The following TJP3 variants were observed in gnomAD, a reference collection of about 807,000 sequenced individuals.
TJP3 encodes the protein tight junction protein ZO-3.
Under a neutral mutation model 104.2 loss-of-function variants are expected in TJP3, and 85 were observed. The observed-to-expected ratio is 0.82, with a 90% CI of 0.68 to 0.98. The LOEUF (loss-of-function observed/expected upper bound fraction) is 0.98. Ranked by LOEUF, TJP3 falls within the 50% of genes least tolerant of loss-of-function variation. The probability of loss-of-function intolerance (pLI) is 0.00; values close to 1 mark genes in which losing one functional copy is unlikely to be tolerated. For missense variants in TJP3, 1,367 were observed against 1,322.8 expected (o/e 1.03, Z -0.52); for synonymous variants, 550 against 550.6 (o/e 1.00, Z 0.02).
Position 3,746,219 on chromosome 19 carries a change from G to A in TJP3, c.2010+138G>A. The stretch of plus-strand genomic sequence containing the variant: ...CCATAGAGCCCCTTTTGGAGGCTTT[G>A]TGAGGCAGGAGGCCCGAGACAGACA... On this transcript the variant is annotated intron_variant, in intron 16 of 20. Transcript: ENST00000541714. The surrounding 1 kb of genome is among the most constrained non-coding windows in gnomAD (Gnocchi z 4.1). 1.1e-6 allele frequency: 1 copy of A among 948,024 alleles called. No individual in the cohort carries two copies. The highest frequency in any genetic ancestry group is 1.6e-6 in the Non-Finnish European group (1 of 629,522). The allele number at this position is 948,024 out of a possible 1,614,324, so 58.7% of individuals were successfully genotyped here.
At position 3,732,053 on chromosome 19, in the gene TJP3, C is replaced by T; in HGVS notation, c.717+15C>T. ...TCATTCTACAGGTGAGGCCGGGCTTCTTGTCCTGAGAGCAGGGAGACAAGG... is the reference window on the plus strand; with the variant it reads ...TCATTCTACAGGTGAGGCCGGGCTTTTTGTCCTGAGAGCAGGGAGACAAGG... On this transcript the variant is annotated intron_variant, in intron 6 of 20. Transcript: ENST00000541714. 6.2e-7 allele frequency: 1 copy of T among 1,607,078 alleles called. No individual in the cohort carries two copies. Among genetic ancestry groups the T allele is most frequent in the Non-Finnish European group, 8.5e-7 (1 of 1,177,318 alleles).
rs185447719 is a variant in TJP3 at position 3,735,450 on chromosome 19, C to T, written c.987-116C>T. 39 of 1,023,314 alleles carry T rather than the reference C, an allele frequency of 3.8e-5. 1 individual carries two copies. The Admixed American group carries it at 4.6e-4, about 12-fold the overall frequency. The allele number at this position is 1,023,314 out of a possible 1,614,324, so 63.4% of individuals were successfully genotyped here. A position where few individuals can be genotyped will look rare whatever the true frequency, so the allele number is the denominator to read the frequency against. On this transcript the variant is annotated intron_variant, in intron 8 of 20. Transcript: ENST00000541714. ...CTGACCTCAGGTGATCTGCCCACCT[C>T]GACCTCCCAAAATGCTAGGATTACA...
At position 3,716,273 on chromosome 19, in the gene TJP3, C is replaced by G. The variant is rs1024676310; in HGVS notation, c.-10+7712C>G. Among the ~76,000 whole-genome samples the G allele has an allele frequency of 9.6e-5, 14 of 146,338 alleles. 1 individual carries two copies. Among genetic ancestry groups the G allele is most frequent in the African/African-American group, 3.4e-4 (14 of 40,742 alleles). On this transcript the variant is annotated intron_variant, in intron 1 of 20. Transcript: ENST00000541714. ...TTTTGAGTAGAGACGGGGTTTCACC[C>G]TGTTGGCCAGGCTGCTCTCGAACTA...
At chr19:3,713,109 A>G (rs767053069) in intron 1 of TJP3, among the ~76,000 whole-genome samples, 1 of 151,828 alleles carries the variant, frequency 6.6e-6, no homozygotes, top group Non-Finnish European at 1.5e-5. Flanking sequence ...CAGCCTCCCC[A>G]GGACGCCAAA....
intron 15 of TJP3, 132 bp from the exon 16 acceptor site, chr19:3,745,879 G>C: frequency 1.4e-6 from 1 of 721,382 alleles, no homozygotes; most frequent in Non-Finnish European, 2.3e-6. Context: ...AGTTTCTGCT[G>C]CTGTTAGGAT....
At chr19:3,714,760 G>A (rs2036462128) in intron 1 of TJP3, among the ~76,000 whole-genome samples, 1 of 151,798 alleles carries the variant, frequency 6.6e-6, no homozygotes, top group African/African-American at 2.4e-5. Flanking sequence ...GCTATCTCTG[G>A]GCCTCAGTTT....
intron 11 of TJP3, 43 bp downstream of exon 11, chr19:3,736,364 G>A: frequency 6.7e-7 from 1 of 1,485,892 alleles, no homozygotes; most frequent in South Asian, 1.4e-5. Context: ...TCATGGGCGT[G>A]CAGTGTGCTA....
chr19:3,716,859 C>A (rs2036482935), intron 1 of TJP3, among the ~76,000 whole-genome samples: 1 of 135,790 alleles, frequency 7.4e-6, no homozygotes, highest in Non-Finnish European at 1.6e-5. Context: ...GAGACAGTGG[C>A]ACGATCTCGG....
chr19:3,713,080 T>C (rs989337727), intron 1 of TJP3, among the ~76,000 whole-genome samples: 1 of 152,052 alleles, frequency 6.6e-6, no homozygotes, highest in Non-Finnish European at 1.5e-5. Flanking sequence ...TACTTCAAAG[T>C]GCCCCCCATG....
At chr19:3,732,924 C>T (rs2036690625) in intron 6 of TJP3, among the ~76,000 whole-genome samples, 1 of 152,294 alleles carries the variant, frequency 6.6e-6, no homozygotes, top group East Asian at 1.9e-4. Flanking sequence ...GGATTACAGG[C>T]ATGAGCCACC....
intron 1 of TJP3, among the ~76,000 whole-genome samples, chr19:3,709,813 C>T (rs1460580832): frequency 6.6e-6 from 1 of 152,090 alleles, no homozygotes; most frequent in Non-Finnish European, 1.5e-5. Flanking sequence ...CTGGCTTCCA[C>T]ACCTCCCTTC....
chr19:3,716,796 T>TAC (rs1568377423), intron 1 of TJP3, among the ~76,000 whole-genome samples: 21 of 66,146 alleles, frequency 3.2e-4, no homozygotes, highest in African/African-American at 9.8e-4. Context: ...TATATATATA[T>TAC]ATATATTTTT....
intron 1 of TJP3, among the ~76,000 whole-genome samples, chr19:3,714,171 T>C (rs2036456886): frequency 6.6e-6 from 1 of 152,092 alleles, no homozygotes; most frequent in African/African-American, 2.4e-5. Flanking sequence ...TGCCTCAGCC[T>C]CCTGAGTAGC....
In TJP3 at chr19:3,739,040, G is replaced by A. The variant is rs575647105; in HGVS notation, c.1537G>A (p.Gly513Arg). 3.9e-5 allele frequency: 63 copies of A among 1,611,328 alleles called. No individual in the cohort carries two copies. Among genetic ancestry groups the A allele is most frequent in the East Asian group, 2.5e-4 (11 of 44,816 alleles). ...GCTGGACACGCTGCACCCCGGCCCC[G>A]GGCAGAGCCACGCACGAGGAGGCCA... Reference protein sequence around the residue: ...HVLDTLHPGPGQSHARGGHWL... With the variant: ...HVLDTLHPGPRQSHARGGHWL... The change falls in exon 13 of 21, where the codon GGG becomes AGG. Residue 513 changes from glycine to arginine, a missense_variant. Transcript: ENST00000541714.
Position 3,750,169 on chromosome 19 carries a change from G to C in TJP3, c.2642G>C (p.Arg881Pro), listed in dbSNP as rs766146406. ...AGCCGCCACCCCCAGGGACAGTGGCGACAGGACAGCATGCGGTAAGAACCC... is the reference window on the plus strand; with the variant it reads ...AGCCGCCACCCCCAGGGACAGTGGCCACAGGACAGCATGCGGTAAGAACCC... ...VDSRHPQGQWRQDSMRTYERE... is the reference protein window; with the variant it reads ...VDSRHPQGQWPQDSMRTYERE... Residue 881 changes from arginine (R) to proline (P), a missense_variant, in exon 20 of 21, where the codon CGA becomes CCA. Transcript: ENST00000541714. The C allele has an allele frequency of 1.2e-6, 2 of 1,613,582 alleles. No individual in the cohort carries two copies. The highest frequency in any genetic ancestry group is 1.7e-6 in the Non-Finnish European group (2 of 1,179,950).
intron 11 of TJP3, among the ~76,000 whole-genome samples, chr19:3,736,904 G>C (rs905897192): frequency 2.3e-4 from 29 of 127,738 alleles, no homozygotes; most frequent in African/African-American, 8.4e-4. Flanking sequence ...TTTTGAGATA[G>C]AGTCTTGCTC....
intron 1 of TJP3, among the ~76,000 whole-genome samples, chr19:3,722,865 G>GGGGGT: frequency 8.0e-6 from 1 of 124,300 alleles, no homozygotes; most frequent in Non-Finnish European, 1.7e-5. Context: ...GCGGGGGGGG[G>GGGGGT]GGGCACAGGG....
intron 11 of TJP3, among the ~76,000 whole-genome samples, chr19:3,737,524 T>G (rs571798124): frequency 1.3e-5 from 2 of 152,224 alleles, no homozygotes; most frequent in East Asian, 3.9e-4. Context: ...ACCTCCAGGA[T>G]CCACAGCCCC....
intron 1 of TJP3, among the ~76,000 whole-genome samples, chr19:3,717,581 G>A (rs1472812847): frequency 6.6e-6 from 1 of 151,564 alleles, no homozygotes; most frequent in African/African-American, 2.4e-5. Context: ...GATTACAGGC[G>A]CCTGCCACCA....
Sources: gnomAD v4.1 joint callset for allele counts (sites outside exome capture counted in the v4.1 genomes callset) on GRCh38, gnomAD v4.1.1 for gene constraint, Gnocchi (gnomAD v3.1) non-coding constraint, MANE v1.5 for transcripts, NCBI Gene and HGNC (gene_info 2026-07-23, HGNC 2026-07-21) for gene names.